Variants in HMCN1 observed in about 807,000 individuals in gnomAD.
HMCN1 encodes the protein hemicentin 1, also known as hemicentin-1.
Under a neutral mutation model 625.9 loss-of-function variants are expected in HMCN1, and 321 were observed. The ratio of observed to expected loss-of-function variants is 0.51; its 90% CI spans 0.47 to 0.56. The LOEUF (loss-of-function observed/expected upper bound fraction) is 0.56, where lower values mean the gene tolerates loss of function less well. HMCN1 is among the 20% of genes least tolerant of loss of function. The pLI is 0.00. For synonymous variants in HMCN1, 2,425 were observed against 2,417.6 expected (o/e 1.00, Z -0.09); for missense variants, 6,588 against 6,887.3 (o/e 0.96, Z 1.54).
chr1:186,108,369 A>T (rs972693783), intron 70 of HMCN1, 92 bp from the exon 71 acceptor site: 2 of 1,569,702 alleles, frequency 1.3e-6, no homozygotes, highest in Middle Eastern at 3.3e-4. Flanking sequence ...TTTTAATTTT[A>T]TGCCTCTTAT....
intron 49 of HMCN1, among the ~76,000 whole-genome samples, chr1:186,066,577 C>T (rs996525930): frequency 2.6e-5 from 4 of 152,136 alleles, no homozygotes; most frequent in African/African-American, 9.7e-5. Context: ...TTAACCATGC[C>T]CAGATATATA....
Position 186,090,905 on chromosome 1 carries a change from C to T in HMCN1, c.9875C>T (p.Thr3292Ile). 1 of 1,611,962 alleles carries T rather than the reference C, an allele frequency of 6.2e-7. No individual in the cohort carries two copies. The highest frequency in any genetic ancestry group is 8.5e-7 in the Non-Finnish European group (1 of 1,178,542). Residue 3292 changes from threonine to isoleucine, a missense_variant, in exon 64 of 107, where the codon ACA becomes ATA. Transcript: ENST00000271588. ...KDGKPIASGETERIRVSANGS... is the reference protein window; with the variant it reads ...KDGKPIASGEIERIRVSANGS... ...GGAAAGCCCATAGCTAGTGGTGAAA[C>T]AGAAAGAATCCGGTATGTTTAAAAA... is the stretch of plus-strand genomic sequence containing the variant.
intron 28 of HMCN1, among the ~76,000 whole-genome samples, chr1:186,002,092 G>A (rs1017502090): frequency 1.3e-5 from 2 of 152,044 alleles, no homozygotes; most frequent in African/African-American, 4.8e-5. Context: ...GGGTGATACA[G>A]AATATATTAC....
At chr1:186,015,869 G>T in intron 31 of HMCN1, 89 bp from the exon 32 acceptor site, 1 of 1,289,458 alleles carries the variant, frequency 7.8e-7, no homozygotes, top group East Asian at 2.3e-5. Context: ...AACTTTGTGA[G>T]AAAAAACAAA....
chr1:186,097,005 T>C (rs565549743), intron 68 of HMCN1, among the ~76,000 whole-genome samples: 1 of 152,256 alleles, frequency 6.6e-6, no homozygotes, highest in Admixed American at 6.5e-5. Flanking sequence ...CCACTTTCTC[T>C]ACTTCTATTA....
At chr1:186,185,759 T>C (rs74136065) in intron 105 of HMCN1, among the ~76,000 whole-genome samples, 2,244 of 152,310 alleles carry the variant, frequency 0.015, 53 homozygotes, top group African/African-American at 0.05. Flanking sequence ...AACTACCAAA[T>C]TATGTACTAC....
At chr1:186,125,889 A>AT (rs1661617803) in intron 82 of HMCN1, 95 bp downstream of exon 82, 2 of 848,242 alleles carry the variant, frequency 2.4e-6, no homozygotes, top group Admixed American at 2.8e-5. Context: ...TTCTTTAATA[A>AT]TTAAAAAAAA....
chr1:186,165,381 T>C (rs1651816442), intron 98 of HMCN1, among the ~76,000 whole-genome samples: 1 of 152,226 alleles, frequency 6.6e-6, no homozygotes, highest in Admixed American at 6.5e-5. Context: ...TGCATTTGAA[T>C]TTAAGTTAAT....
intron 30 of HMCN1, among the ~76,000 whole-genome samples, chr1:186,011,258 G>T (rs1653983921): frequency 6.6e-6 from 1 of 152,124 alleles, no homozygotes; most frequent in Non-Finnish European, 1.5e-5. Flanking sequence ...TGTTAGCCAG[G>T]ATGGTCTCGA....
chr1:185,742,799 T>C (rs1260088008), intron 1 of HMCN1, among the ~76,000 whole-genome samples: 8 of 152,204 alleles, frequency 5.3e-5, no homozygotes, highest in Admixed American at 5.2e-4. Context: ...ATTTCAACTT[T>C]GGTGAGTGAG....
Position 185,980,974 on chromosome 1 carries a change from T to C in HMCN1, c.2567-4T>C, listed in dbSNP as rs1284379148. 6 of 1,572,642 alleles carry C rather than the reference T, an allele frequency of 3.8e-6. No homozygotes were observed. Among genetic ancestry groups the C allele is most frequent in the Non-Finnish European group, 4.4e-6 (5 of 1,142,324 alleles). ...TGGATGAGTAAATGAGTTCTTCCTT[T>C]TAGACTTATGGGCAAGTGATAAAGG... On this transcript the variant is annotated splice_polypyrimidine_tract_variant and splice_region_variant and intron_variant, in intron 16 of 106. Transcript: ENST00000271588.
intron 1 of HMCN1, among the ~76,000 whole-genome samples, chr1:185,753,812 C>T (rs1336158336): frequency 6.6e-6 from 1 of 152,124 alleles, no homozygotes; most frequent in Non-Finnish European, 1.5e-5. Flanking sequence ...AATCCTTGTA[C>T]ATTGTTGGTG....
chr1:186,126,369 A>T (rs6659783), intron 82 of HMCN1, among the ~76,000 whole-genome samples: 70,865 of 151,870 alleles, frequency 0.47, 17,887 homozygotes, highest in African/African-American at 0.64. Context: ...AACAAAAGAA[A>T]CAAAGATCTT....
chr1:185,927,221 G>C (rs1397457858), intron 9 of HMCN1, among the ~76,000 whole-genome samples: 1 of 152,166 alleles, frequency 6.6e-6, no homozygotes, highest in Non-Finnish European at 1.5e-5. Context: ...CACCAAAGAT[G>C]TATGTATTCC....
At chr1:185,766,256 A>G (rs572606849) in intron 1 of HMCN1, among the ~76,000 whole-genome samples, 1 of 152,238 alleles carries the variant, frequency 6.6e-6, no homozygotes, top group South Asian at 2.1e-4. Flanking sequence ...ATGCTGAAAA[A>G]TAACAAGGAA....
chr1:186,183,068 C>T (rs1175089333), intron 105 of HMCN1, among the ~76,000 whole-genome samples: 1 of 151,924 alleles, frequency 6.6e-6, no homozygotes, highest in Non-Finnish European at 1.5e-5. Flanking sequence ...TCTAAGAAAC[C>T]CTTGAATTTT....
chr1:185,828,754 A>G (rs1660678070), intron 1 of HMCN1, among the ~76,000 whole-genome samples: 1 of 152,084 alleles, frequency 6.6e-6, no homozygotes. Context: ...AAATTTAAAA[A>G]TCTCTCTTAA....
chr1:185,887,608 T>C (rs112196925), intron 4 of HMCN1, among the ~76,000 whole-genome samples: 1 of 149,954 alleles, frequency 6.7e-6, no homozygotes, highest in South Asian at 2.1e-4. Flanking sequence ...ATTTCCAATT[T>C]CATCCATGTC....
chr1:186,039,563 G>A (rs1656071157), intron 38 of HMCN1, among the ~76,000 whole-genome samples, 165 bp from the exon 39 acceptor site: 1 of 152,228 alleles, frequency 6.6e-6, no homozygotes, highest in South Asian at 2.1e-4. Context: ...CTCACAGGAT[G>A]GCTGTGATTA....
Sources: allele counts gnomAD v4.1 joint callset (sites outside exome capture counted in the v4.1 genomes callset), GRCh38; gene constraint gnomAD v4.1.1; transcripts MANE v1.5; gene names NCBI Gene and HGNC (gene_info 2026-07-23, HGNC 2026-07-21).